CDH4: variants seen among roughly 807,000 people sequenced by gnomAD.
The protein encoded by CDH4 is cadherin 4.
Under a neutral mutation model 86.0 loss-of-function variants are expected in CDH4, and 33 were observed. That is an observed-to-expected ratio of 0.38 (90% CI 0.29 to 0.51). The LOEUF (loss-of-function observed/expected upper bound fraction) is 0.51, where lower values mean the gene tolerates loss of function less well. CDH4 is among the 20% of genes least tolerant of loss of function. The pLI is 0.86. For missense variants in CDH4, 1,114 were observed against 1,307.4 expected (o/e 0.85, Z 2.28); for synonymous variants, 555 against 549.4 (o/e 1.01, Z -0.14).
At chr20:61,645,805 G>C (rs1199777467) in intron 2 of CDH4, among the ~76,000 whole-genome samples, 1 of 152,110 alleles carries the variant, frequency 6.6e-6, no homozygotes, top group African/African-American at 2.4e-5. Flanking sequence ...GAGTGGTGAG[G>C]TAGTTTGCCC....
chr20:61,824,535 C>T (rs75198989), intron 4 of CDH4, among the ~76,000 whole-genome samples: 3,627 of 152,154 alleles, frequency 0.024, 113 homozygotes, highest in East Asian at 0.093. Flanking sequence ...TATGCTGAGC[C>T]GTCTGCCCTG....
intron 2 of CDH4, among the ~76,000 whole-genome samples, chr20:61,590,877 G>GC (rs1555811632): frequency 0.1 from 740 of 7,378 alleles, 20 homozygotes; most frequent in Admixed American, 0.19. Context: ...CTAAATCTAT[G>GC]GGGGGGGGGG....
intron 2 of CDH4, among the ~76,000 whole-genome samples, chr20:61,593,400 T>A (rs1400352167): frequency 1.3e-5 from 2 of 152,226 alleles, no homozygotes; most frequent in South Asian, 2.1e-4. Context: ...TAACTCACAC[T>A]GTTCAGCATT....
At chr20:61,677,654 T>C (rs1242925533) in intron 2 of CDH4, among the ~76,000 whole-genome samples, 1 of 6,324 alleles carries the variant, frequency 1.6e-4, no homozygotes, top group East Asian at 4.0e-3. Context: ...AGTGGGTAGG[T>C]AGGTGGGTGG....
intron 3 of CDH4, among the ~76,000 whole-genome samples, chr20:61,749,838 A>G (rs894882805): frequency 1.3e-5 from 2 of 152,222 alleles, no homozygotes; most frequent in African/African-American, 2.4e-5. Context: ...AGGCAGGTGG[A>G]TCACCTGAGG....
chr20:61,824,330 T>C (rs1385404082), intron 4 of CDH4, among the ~76,000 whole-genome samples: 1 of 150,672 alleles, frequency 6.6e-6, no homozygotes, highest in Non-Finnish European at 1.5e-5. Flanking sequence ...GAGTGTTGGC[T>C]CTTGACTCTT....
At chr20:61,381,787 A>C (rs6061584) in intron 2 of CDH4, among the ~76,000 whole-genome samples, 37,515 of 151,942 alleles carry the variant, frequency 0.25, 4,950 homozygotes, top group African/African-American at 0.34. Context: ...TTAAAAAGAT[A>C]ACTGTTGGCC....
chr20:61,271,329 G>A (rs574651391), intron 2 of CDH4, among the ~76,000 whole-genome samples: 18 of 152,320 alleles, frequency 1.2e-4, no homozygotes, highest in East Asian at 3.9e-4. Flanking sequence ...ATTGCTGATC[G>A]TGAGTTAATT....
intron 4 of CDH4, among the ~76,000 whole-genome samples, chr20:61,834,657 A>G (rs975769296): frequency 6.6e-6 from 1 of 152,246 alleles, no homozygotes; most frequent in South Asian, 2.1e-4. Context: ...AGGGGATGGC[A>G]TGGGCGACAC....
At chr20:61,289,724 C>T (rs1356287108) in intron 2 of CDH4, among the ~76,000 whole-genome samples, 4 of 141,078 alleles carry the variant, frequency 2.8e-5, no homozygotes, top group Non-Finnish European at 1.5e-5. Flanking sequence ...GGTTTATCCC[C>T]GTATCCAACG....
intron 4 of CDH4, among the ~76,000 whole-genome samples, chr20:61,820,690 C>T (rs992040237): frequency 6.6e-6 from 1 of 152,206 alleles, no homozygotes. Context: ...CGCAGCCCCT[C>T]AAGGCCTGGA....
chr20:61,915,639 G>A (rs2054896666), intron 9 of CDH4, among the ~76,000 whole-genome samples: 1 of 152,228 alleles, frequency 6.6e-6, no homozygotes, highest in Non-Finnish European at 1.5e-5. Context: ...AGATGAGTCA[G>A]AACCAAAAGG....
intron 2 of CDH4, among the ~76,000 whole-genome samples, chr20:61,464,193 G>A (rs1568854454): frequency 6.6e-6 from 1 of 152,160 alleles, no homozygotes; most frequent in Non-Finnish European, 1.5e-5. Flanking sequence ...AGAAGGTGCT[G>A]GGGGCTGGGC....
At chr20:61,716,621 G>A (rs535392816) in intron 2 of CDH4, among the ~76,000 whole-genome samples, 24 of 152,300 alleles carry the variant, frequency 1.6e-4, no homozygotes, top group African/African-American at 5.1e-4. Flanking sequence ...TCTAATAGCT[G>A]AGGTTGGATC....
intron 2 of CDH4, among the ~76,000 whole-genome samples, chr20:61,261,778 G>C (rs1021989439): frequency 2.0e-5 from 3 of 152,242 alleles, no homozygotes; most frequent in Non-Finnish European, 4.4e-5. Context: ...GGTATGTGCA[G>C]TAAACAGAGG....
At chr20:61,867,042 G>A (rs1253682781) in intron 6 of CDH4, among the ~76,000 whole-genome samples, 9 of 152,218 alleles carry the variant, frequency 5.9e-5, no homozygotes, top group Non-Finnish European at 1.2e-4. Context: ...TCCTCAGGGA[G>A]CATCCAGTGA....
intron 3 of CDH4, among the ~76,000 whole-genome samples, chr20:61,763,965 C>G (rs547402522): frequency 6.6e-6 from 1 of 152,134 alleles, no homozygotes; most frequent in South Asian, 2.1e-4. Flanking sequence ...AAAGCCTGCC[C>G]CAGGTCAGTT....
chr20:61,254,530 C>G (rs1294272619), intron 1 of CDH4, among the ~76,000 whole-genome samples: 2 of 152,222 alleles, frequency 1.3e-5, no homozygotes, highest in Non-Finnish European at 2.9e-5. Context: ...TCTCAGGCGT[C>G]TCCTCTGCCA....
At chr20:61,412,452 GGTTT>G (rs2085124590) in intron 2 of CDH4, among the ~76,000 whole-genome samples, 2 of 152,198 alleles carry the variant, frequency 1.3e-5, no homozygotes, top group African/African-American at 2.4e-5. Flanking sequence ...GCACCCCACT[GGTTT>G]GATGCCCTAA....
Sources: gnomAD v4.1 joint callset for allele counts (sites outside exome capture counted in the v4.1 genomes callset) on GRCh38, gnomAD v4.1.1 for gene constraint, MANE v1.5 for transcripts, NCBI Gene and HGNC (gene_info 2026-07-23, HGNC 2026-07-21) for gene names.